SMAP1: variants seen among roughly 807,000 people sequenced by gnomAD.
The protein encoded by SMAP1 is small ArfGAP 1, also known as stromal membrane-associated protein 1.
SMAP1 carries 24 observed loss-of-function variants against 58.5 expected under a neutral mutation model. The ratio of observed to expected loss-of-function variants is 0.41; its 90% confidence interval spans 0.30 to 0.58. The LOEUF (loss-of-function observed/expected upper bound fraction) is 0.58, where lower values mean the gene tolerates loss of function less well. SMAP1 is among the 20% of genes least tolerant of loss of function. SMAP1 has a pLI of 0.29. For missense variants in SMAP1, 563 were observed against 566.3 expected (o/e 0.99, Z 0.06); for synonymous variants, 216 against 196.6 (o/e 1.10, Z -0.82).
chr6:70,679,253 G>C (rs913447248), intron 1 of SMAP1, among the ~76,000 whole-genome samples: 3 of 151,964 alleles, frequency 2.0e-5, no homozygotes, highest in Non-Finnish European at 4.4e-5. Context: ...CCCTGACCTC[G>C]AGTGATTCGC....
At chr6:70,858,480 G>A (rs556490762) in intron 10 of SMAP1, 1 of 337,046 alleles carries the variant, frequency 3.0e-6, no homozygotes, top group South Asian at 4.7e-5. Flanking sequence ...ATTTCAAATT[G>A]TAATGTAACT....
In SMAP1 at chr6:70,721,372, TAC is replaced by T. The variant is rs963692848; in HGVS notation, c.119-11005_119-11004del. Among the ~76,000 whole-genome samples the T allele has an allele frequency of 2.6e-5, 4 of 152,314 alleles. No homozygotes were observed. The South Asian group carries it at 8.3e-4, about 32-fold the overall frequency. On this transcript the variant is annotated intron_variant, in intron 1 of 10. Coordinates refer to ENST00000370455, the MANE Select transcript of SMAP1 (RefSeq NM_001044305.3). ...TGCTAAAACATAACAAGAGTCACCT[TAC>T]TCCAGTTCCCAACAAGTTCCTCATC...
intron 6 of SMAP1, among the ~76,000 whole-genome samples, chr6:70,831,260 T>C (rs975587551): frequency 3.9e-5 from 6 of 152,180 alleles, no homozygotes; most frequent in African/African-American, 1.4e-4. Flanking sequence ...TTTCTTATTT[T>C]TACTTTTTTT....
chr6:70,811,978 G>A (rs1254814322), intron 6 of SMAP1, among the ~76,000 whole-genome samples: 1 of 152,162 alleles, frequency 6.6e-6, no homozygotes. Context: ...TATAAAGCGT[G>A]GATGTGCTGG....
intron 1 of SMAP1, among the ~76,000 whole-genome samples, chr6:70,702,345 A>C (rs774747320): frequency 2.0e-5 from 3 of 150,640 alleles, no homozygotes; most frequent in Non-Finnish European, 4.4e-5. Flanking sequence ...AAAGTTAATT[A>C]GGTTGCTGAA....
chr6:70,802,315 CATT>C (rs1312005664), intron 6 of SMAP1, among the ~76,000 whole-genome samples: 2 of 147,746 alleles, frequency 1.4e-5, no homozygotes, highest in Non-Finnish European at 3.1e-5. Flanking sequence ...GGCTCTCTGT[CATT>C]GTTGTATTGG....
intron 7 of SMAP1, among the ~76,000 whole-genome samples, chr6:70,840,354 A>G (rs1770755485): frequency 6.6e-6 from 1 of 152,166 alleles, no homozygotes; most frequent in Non-Finnish European, 1.5e-5. Context: ...ACCTTTCTTA[A>G]GCTCACCTTT....
At chr6:70,845,528 G>A (rs1346367989) in intron 7 of SMAP1, among the ~76,000 whole-genome samples, 1 of 152,204 alleles carries the variant, frequency 6.6e-6, no homozygotes, top group African/African-American at 2.4e-5. Flanking sequence ...AATAAAATAA[G>A]TTTATTTTGT....
intron 3 of SMAP1, among the ~76,000 whole-genome samples, chr6:70,768,988 C>A (rs546561299): frequency 7.9e-4 from 120 of 152,108 alleles, no homozygotes; most frequent in African/African-American, 2.1e-3. Flanking sequence ...ATCTTTATTT[C>A]TGCCTTCATT....
intron 2 of SMAP1, among the ~76,000 whole-genome samples, chr6:70,734,148 CT>C (rs55844971): frequency 0.49 from 72,824 of 149,454 alleles, 17,858 homozygotes; most frequent in African/African-American, 0.52. Context: ...CTCTTCCCAT[CT>C]TTTTTTTTTT....
chr6:70,839,148 A>G (rs372595339), intron 7 of SMAP1, among the ~76,000 whole-genome samples: 2 of 152,300 alleles, frequency 1.3e-5, no homozygotes, highest in South Asian at 2.1e-4. Flanking sequence ...AACATTAAAC[A>G]TCTGTTTCTC....
At chr6:70,731,121 C>G (rs1455720991) in intron 1 of SMAP1, among the ~76,000 whole-genome samples, 1 of 152,146 alleles carries the variant, frequency 6.6e-6, no homozygotes, top group Non-Finnish European at 1.5e-5. Context: ...ATTGATATCT[C>G]TTACTATATA....
chr6:70,672,980 A>C (rs1766330729), intron 1 of SMAP1, among the ~76,000 whole-genome samples: 1 of 152,098 alleles, frequency 6.6e-6, no homozygotes, highest in African/African-American at 2.4e-5. Flanking sequence ...GGTCAGAGGA[A>C]GAACTGGGAT....
chr6:70,707,199 A>G (rs149637515), intron 1 of SMAP1, among the ~76,000 whole-genome samples: 77 of 152,336 alleles, frequency 5.1e-4, no homozygotes, highest in African/African-American at 1.6e-3. Context: ...AGCATGGAAC[A>G]TTTGAGCTTG....
intron 1 of SMAP1, among the ~76,000 whole-genome samples, chr6:70,701,116 C>T (rs1767610217): frequency 6.6e-6 from 1 of 152,132 alleles, no homozygotes; most frequent in Admixed American, 6.5e-5. Context: ...AGTGGTGATG[C>T]AAGCACTCCC....
chr6:70,713,444 GGTTT>G (rs1768140585), intron 1 of SMAP1, among the ~76,000 whole-genome samples: 1 of 151,298 alleles, frequency 6.6e-6, no homozygotes, highest in African/African-American at 2.4e-5. Context: ...CGTAAGTTTT[GGTTT>G]GTTCTCTTTT....
chr6:70,857,342 C>T (rs921803261), intron 9 of SMAP1: 8 of 203,850 alleles, frequency 3.9e-5, no homozygotes, highest in South Asian at 1.5e-4. Context: ...TTTATGACTG[C>T]GTACAGTGTA....
At chr6:70,758,284 A>C (rs1766594828) in intron 3 of SMAP1, among the ~76,000 whole-genome samples, 1 of 150,248 alleles carries the variant, frequency 6.7e-6, no homozygotes, top group East Asian at 2.0e-4. Context: ...AAAACCAAAC[A>C]CTGCATATTC....
chr6:70,830,169 C>G (rs1245638856), intron 6 of SMAP1, among the ~76,000 whole-genome samples: 1 of 152,020 alleles, frequency 6.6e-6, no homozygotes, highest in Non-Finnish European at 1.5e-5. Context: ...TTTTATCTAC[C>G]CACAGTTGAC....
Sources: allele counts gnomAD v4.1 joint callset (sites outside exome capture counted in the v4.1 genomes callset), GRCh38; gene constraint gnomAD v4.1.1; transcripts MANE v1.5; gene names NCBI Gene and HGNC (gene_info 2026-07-23, HGNC 2026-07-21).